Variants in ZNF892 observed in about 807,000 individuals in gnomAD.
ZNF892 encodes zinc finger protein 892.
At chr2:95,229,509 T>A in the ZNF892 span, among the ~76,000 whole-genome samples, 1 of 152,248 alleles carries the variant, frequency 6.6e-6, no homozygotes, top group Admixed American at 6.5e-5. Context: ...TTGGTTTCTA[T>A]CTCCTCTACT....
At chr2:95,232,931 A>G in the ZNF892 span, among the ~76,000 whole-genome samples, 2 of 128,004 alleles carry the variant, frequency 1.6e-5, no homozygotes, top group African/African-American at 3.0e-5. Context: ...TGCGAGCTGA[A>G]TGGCCTGTTG....
the ZNF892 span, among the ~76,000 whole-genome samples, chr2:95,233,589 C>T: frequency 4.6e-5 from 6 of 131,212 alleles, no homozygotes; most frequent in African/African-American, 8.6e-5. Context: ...AGGAGAATGG[C>T]GTGAAACCGG....
the ZNF892 span, among the ~76,000 whole-genome samples, chr2:95,263,393 A>G: frequency 6.6e-6 from 1 of 152,234 alleles, no homozygotes; most frequent in African/African-American, 2.4e-5. Context: ...CTTCCTACCT[A>G]CAGAACAATT....
the ZNF892 span, among the ~76,000 whole-genome samples, chr2:95,235,033 A>T: frequency 6.6e-6 from 1 of 152,122 alleles, no homozygotes; most frequent in South Asian, 2.1e-4. Context: ...ATTGGAGGTC[A>T]CCCAGCTGGT....
the ZNF892 span, among the ~76,000 whole-genome samples, chr2:95,239,247 C>G: frequency 6.6e-6 from 1 of 151,810 alleles, no homozygotes; most frequent in African/African-American, 2.4e-5. Context: ...TGTGGATGAG[C>G]AAAGGAAGTA....
the ZNF892 span, among the ~76,000 whole-genome samples, chr2:95,225,956 G>A: frequency 6.6e-6 from 1 of 152,240 alleles, no homozygotes; most frequent in Non-Finnish European, 1.5e-5. Context: ...CCTGGGCTCA[G>A]TTCACACAGA....
chr2:95,234,455 A>C, the ZNF892 span, among the ~76,000 whole-genome samples: 1 of 152,196 alleles, frequency 6.6e-6, no homozygotes, highest in Non-Finnish European at 1.5e-5. Flanking sequence ...AGTGCCGCAC[A>C]GAGAGGCCAA....
the ZNF892 span, among the ~76,000 whole-genome samples, chr2:95,263,526 C>T: frequency 6.6e-6 from 1 of 152,098 alleles, no homozygotes; most frequent in African/African-American, 2.4e-5. Flanking sequence ...GGCAAAATAA[C>T]ACATACATTT....
the ZNF892 span, among the ~76,000 whole-genome samples, chr2:95,248,130 A>G: frequency 6.6e-6 from 1 of 152,258 alleles, no homozygotes; most frequent in South Asian, 2.1e-4. Context: ...AATGTGGAAC[A>G]TATACCATGG....
At chr2:95,243,769 G>A in the ZNF892 span, among the ~76,000 whole-genome samples, 1 of 151,738 alleles carries the variant, frequency 6.6e-6, no homozygotes, top group African/African-American at 2.4e-5. Context: ...GAGGTGAGGG[G>A]CGCCTCAGCC....
the ZNF892 span, among the ~76,000 whole-genome samples, chr2:95,245,584 G>GAAAAA: frequency 7.9e-6 from 1 of 126,068 alleles, no homozygotes; most frequent in Non-Finnish European, 1.6e-5. Flanking sequence ...CTGGTTTTTT[G>GAAAAA]AAAAAAAAAA....
At chr2:95,251,810 A>AT in the ZNF892 span, among the ~76,000 whole-genome samples, 2 of 152,230 alleles carry the variant, frequency 1.3e-5, no homozygotes, top group African/African-American at 4.8e-5. Flanking sequence ...TCTTCTTAGG[A>AT]TTTTCCCCCT....
chr2:95,249,239 T>A, the ZNF892 span, among the ~76,000 whole-genome samples: 160 of 114,748 alleles, frequency 1.4e-3, no homozygotes, highest in Middle Eastern at 4.1e-3. Flanking sequence ...ATATTTTTTT[T>A]TTTTTTTTTT....
At chr2:95,213,786 G>T in the ZNF892 span, among the ~76,000 whole-genome samples, 1 of 152,196 alleles carries the variant, frequency 6.6e-6, no homozygotes, top group African/African-American at 2.4e-5. Context: ...AGAACCAACA[G>T]ATTTTTGTGA....
At chr2:95,238,365 C>G in the ZNF892 span, among the ~76,000 whole-genome samples, 1 of 152,200 alleles carries the variant, frequency 6.6e-6, no homozygotes, top group Admixed American at 6.5e-5. Flanking sequence ...GACAGCACAT[C>G]TGTTTATAGC....
the ZNF892 span, among the ~76,000 whole-genome samples, chr2:95,227,463 A>G: frequency 6.6e-6 from 1 of 151,692 alleles, no homozygotes; most frequent in Non-Finnish European, 1.5e-5. Context: ...AGCTGGGACT[A>G]TAAGTGCACA....
chr2:95,230,284 G>A, the ZNF892 span, among the ~76,000 whole-genome samples: 1 of 152,112 alleles, frequency 6.6e-6, no homozygotes, highest in Non-Finnish European at 1.5e-5. Context: ...CTGCTCGTGT[G>A]ATGGGTGCAC....
chr2:95,214,869 T>C, the ZNF892 span: 35 of 504,544 alleles, frequency 6.9e-5, no homozygotes, highest in Middle Eastern at 2.9e-4. Context: ...ACCCTATGAA[T>C]GTCATGAGTG....
the ZNF892 span, among the ~76,000 whole-genome samples, chr2:95,206,811 T>A: frequency 6.6e-6 from 1 of 152,152 alleles, no homozygotes; most frequent in East Asian, 1.9e-4. Context: ...TAGTGTCTTG[T>A]AAATTAAGGG....
Sources: allele counts gnomAD v4.1 joint callset (sites outside exome capture counted in the v4.1 genomes callset), GRCh38; gene constraint gnomAD v4.1.1; transcripts MANE v1.5; gene names NCBI Gene and HGNC (gene_info 2026-07-23, HGNC 2026-07-21).